The following KCNH7 variants were observed in gnomAD, a reference collection of about 807,000 sequenced individuals.
The protein encoded by KCNH7 is potassium voltage-gated channel subfamily H member 7.
Under a neutral mutation model 120.8 loss-of-function variants are expected in KCNH7, and 49 were observed. The ratio of observed to expected loss-of-function variants is 0.41; its 90% CI spans 0.32 to 0.51. The LOEUF (loss-of-function observed/expected upper bound fraction) is 0.51. KCNH7 is among the 20% of genes least tolerant of loss of function. The pLI, the probability that KCNH7 is intolerant of heterozygous loss-of-function variation, is 0.38. For missense variants in KCNH7, 1,097 were observed against 1,446.6 expected, an observed-to-expected ratio of 0.76 and a Z score of 3.92; for synonymous variants, 547 against 516.1, an observed-to-expected ratio of 1.06 and a Z score of -0.81.
At chr2:162,694,756 T>C (rs926733614) in intron 2 of KCNH7, among the ~76,000 whole-genome samples, 1 of 152,068 alleles carries the variant, frequency 6.6e-6, no homozygotes, top group Non-Finnish European at 1.5e-5. Flanking sequence ...GTATTTTTTT[T>C]TTTTTTAGAC....
At position 162,577,348 on chromosome 2, in the gene KCNH7, C is replaced by CAT. The variant is rs1257647069; in HGVS notation, c.308-40269_308-40268insAT. 3.6e-3 allele frequency among the ~76,000 whole-genome samples: 469 copies of CAT among 131,350 alleles called. 3 individuals are homozygous for CAT. Among genetic ancestry groups the CAT allele is most frequent in the African/African-American group, 4.8e-3 (168 of 35,010 alleles). 86.2% of individuals were successfully genotyped at this position (131,350 alleles called of 152,430 possible). A position where few individuals can be genotyped will look rare whatever the true frequency, so the allele number is the denominator to read the frequency against. ...ATCTATCTGTCTATCATCTATCCATCCTATCTATCTATCTATCTATCTATC... is the reference window on the plus strand; with the variant it reads ...ATCTATCTGTCTATCATCTATCCATCATCTATCTATCTATCTATCTATCTATC... On this transcript the variant is annotated intron_variant, in intron 2 of 15. Coordinates refer to ENST00000332142, the MANE Select transcript of KCNH7 (RefSeq NM_033272.4).
intron 2 of KCNH7, among the ~76,000 whole-genome samples, chr2:162,581,501 G>T (rs948399007): frequency 6.6e-6 from 1 of 152,014 alleles, no homozygotes; most frequent in Non-Finnish European, 1.5e-5. Flanking sequence ...GGAGGTGAGA[G>T]CTTATTACCT....
intron 2 of KCNH7, among the ~76,000 whole-genome samples, chr2:162,832,472 A>G (rs1228130591): frequency 6.6e-6 from 1 of 152,170 alleles, no homozygotes; most frequent in East Asian, 1.9e-4. Flanking sequence ...TTTATTTTAA[A>G]TTTGGGGAAT....
chr2:162,550,898 A>AATAATC (rs1692647055), intron 2 of KCNH7, among the ~76,000 whole-genome samples: 1 of 136,224 alleles, frequency 7.3e-6, no homozygotes, highest in East Asian at 2.5e-4. Context: ...TAATAATAAT[A>AATAATC]ATAATAATAA....
chr2:162,787,448 G>C (rs114735266), intron 2 of KCNH7, among the ~76,000 whole-genome samples: 1,690 of 152,210 alleles, frequency 0.011, 36 homozygotes, highest in African/African-American at 0.037. Context: ...CCGGTGCCAG[G>C]CCAGCCTCTG....
At chr2:162,614,433 C>T (rs1412006642) in intron 2 of KCNH7, among the ~76,000 whole-genome samples, 2 of 151,556 alleles carry the variant, frequency 1.3e-5, no homozygotes, top group African/African-American at 2.4e-5. Context: ...AGAGTAGCAC[C>T]GTTTGTTACT....
intron 2 of KCNH7, among the ~76,000 whole-genome samples, chr2:162,665,732 A>C (rs571742920): frequency 6.6e-6 from 1 of 152,162 alleles, no homozygotes; most frequent in East Asian, 1.9e-4. Context: ...TGATTTAATA[A>C]TCAGGTATTT....
chr2:162,755,135 T>A (rs1017165124), intron 2 of KCNH7, among the ~76,000 whole-genome samples: 9 of 152,074 alleles, frequency 5.9e-5, no homozygotes, highest in African/African-American at 1.9e-4. Context: ...GAACAGAGGA[T>A]CTTTTCTATA....
chr2:162,735,064 T>C (rs1428108973), intron 2 of KCNH7, among the ~76,000 whole-genome samples: 1 of 152,142 alleles, frequency 6.6e-6, no homozygotes, highest in Non-Finnish European at 1.5e-5. Context: ...TCACAGGATG[T>C]GAAAAAGTAA....
rs866266588 is a variant in KCNH7 at position 162,548,005 on chromosome 2, G to T, written c.308-10925C>A. On this transcript the variant is annotated intron_variant, in intron 2 of 15. Transcript: ENST00000332142. ...AGAAGCAGAAAAAGGTGAAAGTAAA[G>T]GTATTTTTTTCCCTAGGTATTTTAG... Among the ~76,000 whole-genome samples, 3 of 149,868 alleles carry T rather than the reference G, an allele frequency of 2.0e-5. No individual in the cohort carries two copies. The South Asian group carries it at 6.2e-4, about 31-fold the overall frequency.
At chr2:162,519,078 C>T (rs1691426959) in intron 3 of KCNH7, among the ~76,000 whole-genome samples, 1 of 151,696 alleles carries the variant, frequency 6.6e-6, no homozygotes, top group Non-Finnish European at 1.5e-5. Flanking sequence ...GAAAGCATAA[C>T]ATCTAGTGCT....
chr2:162,421,314 C>T (rs1029096385), intron 9 of KCNH7, among the ~76,000 whole-genome samples: 1 of 152,160 alleles, frequency 6.6e-6, no homozygotes, highest in Non-Finnish European at 1.5e-5. Flanking sequence ...TAATGCAAAC[C>T]GTATACCCAT....
At chr2:162,410,342 C>T (rs1401198116) in intron 9 of KCNH7, among the ~76,000 whole-genome samples, 1 of 151,942 alleles carries the variant, frequency 6.6e-6, no homozygotes, top group Non-Finnish European at 1.5e-5. Flanking sequence ...ATTCCTTATT[C>T]AATAAATGAT....
rs974523104 is a variant in KCNH7 at position 162,762,007 on chromosome 2, C to T, written c.307+74530G>A. ...GAAGGGAAAGATAGTAAAGGTGAGT[C>T]CCTCAAGAATGGGCAGAGGAATTGA... On this transcript the variant is annotated intron_variant, in intron 2 of 15. Transcript: ENST00000332142. Among the ~76,000 whole-genome samples, 2 of 151,836 alleles carry T rather than the reference C, an allele frequency of 1.3e-5. 1 individual carries two copies. Among genetic ancestry groups the T allele is most frequent in the Admixed American group, 1.3e-4 (2 of 15,210 alleles).
At chr2:162,602,241 C>T (rs1182262648) in intron 2 of KCNH7, among the ~76,000 whole-genome samples, 3 of 152,010 alleles carry the variant, frequency 2.0e-5, no homozygotes, top group African/African-American at 7.2e-5. Flanking sequence ...AGCCAAACCA[C>T]AACAGATGAG....
At chr2:162,564,082 C>G (rs1468065577) in intron 2 of KCNH7, among the ~76,000 whole-genome samples, 1 of 151,926 alleles carries the variant, frequency 6.6e-6, no homozygotes, top group Non-Finnish European at 1.5e-5. Flanking sequence ...TTTCTGTATG[C>G]TTCTCCCCAC....
chr2:162,786,160 T>G (rs1683694068), intron 2 of KCNH7, among the ~76,000 whole-genome samples: 1 of 150,024 alleles, frequency 6.7e-6, no homozygotes, highest in African/African-American at 2.5e-5. Flanking sequence ...GGGGAATTGC[T>G]TGAACCAGGG....
intron 7 of KCNH7, among the ~76,000 whole-genome samples, chr2:162,441,026 A>C (rs1417428643): frequency 1.3e-5 from 2 of 152,138 alleles, no homozygotes; most frequent in African/African-American, 4.8e-5. Flanking sequence ...ATGATCAACT[A>C]AAAGCAAAAT....
chr2:162,379,887 G>T lies in KCNH7; in HGVS notation c.3097C>A (p.Gln1033Lys). 1 of 1,613,978 alleles carries T rather than the reference G, an allele frequency of 6.2e-7. No individual in the cohort carries two copies. Among genetic ancestry groups the T allele is most frequent in the Non-Finnish European group, 8.5e-7 (1 of 1,179,928 alleles). ...TGCTCCTGGAGCAGATCTAATCTTT[G>T]TTCCACTTCCCCGTAGGTGAGGTCG... ...ESDLTYGEVE[Q>K]RLDLLQEQLN... The change falls in exon 14 of 16, where the codon CAA becomes AAA. Residue 1033 changes from glutamine (Q) to lysine (K), a missense_variant. By Grantham distance (53) the Gln-to-Lys change is moderately conservative. Around this residue, in one of 8 missense-constraint regions of KCNH7, gnomAD observed 406 missense variants for 410.5 expected, o/e 0.99. Coordinates refer to ENST00000332142, the MANE Select transcript of KCNH7 (RefSeq NM_033272.4).
Sources: allele counts gnomAD v4.1 joint callset (sites outside exome capture counted in the v4.1 genomes callset), GRCh38; gene constraint gnomAD v4.1.1; regional missense constraint gnomAD v4.1.1; transcripts MANE v1.5; gene names NCBI Gene and HGNC (gene_info 2026-07-23, HGNC 2026-07-21).